ASTN2: variants seen among roughly 807,000 people sequenced by gnomAD.
ASTN2 encodes the protein astrotactin-2.
In ASTN2, 54 loss-of-function variants were observed where a neutral mutation model predicts 139.8. The observed-to-expected ratio is 0.39, with a 90% CI of 0.31 to 0.48. The LOEUF is 0.48. Among genes scored for constraint, ASTN2 ranks in the 20% least tolerant of loss-of-function variants. The pLI, the probability that ASTN2 is intolerant of heterozygous loss-of-function variation, is 0.95. For synonymous variants in ASTN2, 756 were observed against 719.5 expected (o/e 1.05, Z -0.81); for missense variants, 1,565 against 1,725.1 (o/e 0.91, Z 1.64).
At chr9:116,983,496 A>ACAC (rs1836576595) in intron 7 of ASTN2, among the ~76,000 whole-genome samples, 1 of 152,186 alleles carries the variant, frequency 6.6e-6, no homozygotes, top group Admixed American at 6.5e-5. Context: ...ATGCTTGCTT[A>ACAC]CACCACCACA....
intron 7 of ASTN2, among the ~76,000 whole-genome samples, chr9:116,981,365 G>A (rs1038655140): frequency 6.6e-5 from 10 of 152,156 alleles, no homozygotes; most frequent in African/African-American, 2.4e-4. Context: ...CTGAGGACTG[G>A]AAGAAACTTT....
At chr9:117,123,275 A>G (rs148720641) in intron 4 of ASTN2, among the ~76,000 whole-genome samples, 2,558 of 151,734 alleles carry the variant, frequency 0.017, 33 homozygotes, top group Middle Eastern at 0.041. Flanking sequence ...TGTGGGCACC[A>G]CTCCAAGCTT....
intron 16 of ASTN2, among the ~76,000 whole-genome samples, chr9:116,696,656 A>G (rs923994835): frequency 6.6e-6 from 1 of 152,138 alleles, no homozygotes; most frequent in African/African-American, 2.4e-5. Context: ...TATTTCGTTT[A>G]TAGTACCACT....
At chr9:116,610,283 C>T (rs1564151784) in intron 19 of ASTN2, among the ~76,000 whole-genome samples, 1 of 152,168 alleles carries the variant, frequency 6.6e-6, no homozygotes, top group Non-Finnish European at 1.5e-5. Flanking sequence ...CAGAAACACA[C>T]TTTTAATACA....
intron 3 of ASTN2, among the ~76,000 whole-genome samples, chr9:117,196,258 G>T (rs1464525694): frequency 6.6e-6 from 1 of 152,100 alleles, no homozygotes; most frequent in Admixed American, 6.5e-5. Context: ...TTATTGTGAG[G>T]TATAAATGAC....
At chr9:116,557,168 GA>G (rs1852666146) in intron 19 of ASTN2, among the ~76,000 whole-genome samples, 1 of 137,528 alleles carries the variant, frequency 7.3e-6, no homozygotes, top group Non-Finnish European at 1.5e-5. Flanking sequence ...AACTTGCAGT[GA>G]GCTGATATCA....
chr9:117,103,955 T>A (rs1479727379), intron 4 of ASTN2, among the ~76,000 whole-genome samples: 2 of 152,206 alleles, frequency 1.3e-5, no homozygotes, highest in African/African-American at 4.8e-5. Context: ...TGACCACAAC[T>A]GCTACCTGCC....
intron 2 of ASTN2, among the ~76,000 whole-genome samples, chr9:117,260,971 G>A (rs542296114): frequency 2.6e-4 from 39 of 152,306 alleles, no homozygotes; most frequent in African/African-American, 9.4e-4. Flanking sequence ...GTATAAGTAT[G>A]TATCTGTTTA....
At position 116,620,384 on chromosome 9, in the gene ASTN2, A is replaced by G. The variant is rs995355250; in HGVS notation, c.3132T>C (p.Asp1044=). 3.1e-6 allele frequency: 5 copies of G among 1,614,190 alleles called. No individual in the cohort carries two copies. The highest frequency in any genetic ancestry group is 2.7e-5 in the African/African-American group (2 of 75,052). ...CGCTGAGGTCACACCTGCACCAGTC[A>G]TCGATCACATCCCCTTTCCCTGAGC... ...YWCSGKGDVI[D]DWCRCDLSAF... is the part of the protein sequence containing the mutation. Residue 1044 remains aspartate (D), a synonymous_variant, in exon 18 of 23, where the codon GAT becomes GAC. Transcript: ENST00000313400.
chr9:117,329,269 T>C (rs894516363), intron 1 of ASTN2, among the ~76,000 whole-genome samples: 7 of 151,984 alleles, frequency 4.6e-5, no homozygotes, highest in Non-Finnish European at 1.0e-4. Context: ...AAGATTTTTT[T>C]TGAAAACACA....
intron 10 of ASTN2, among the ~76,000 whole-genome samples, chr9:116,922,164 T>A (rs375252463): frequency 6.6e-6 from 1 of 152,224 alleles, no homozygotes; most frequent in Non-Finnish European, 1.5e-5. Flanking sequence ...AACCCTCCTA[T>A]GCATTACTAA....
chr9:117,124,098 C>T (rs1829627199), intron 4 of ASTN2, among the ~76,000 whole-genome samples: 1 of 152,162 alleles, frequency 6.6e-6, no homozygotes. Context: ...CCCCCTTCTC[C>T]AGGTCTCAGT....
At chr9:117,003,950 G>T (rs868399966) in intron 7 of ASTN2, among the ~76,000 whole-genome samples, 1 of 143,200 alleles carries the variant, frequency 7.0e-6, no homozygotes, top group African/African-American at 2.6e-5. Flanking sequence ...ACGCGCGCGC[G>T]CGCGTGTGTG....
intron 10 of ASTN2, among the ~76,000 whole-genome samples, chr9:116,952,186 C>A (rs1835581304): frequency 6.6e-6 from 1 of 152,090 alleles, no homozygotes; most frequent in Non-Finnish European, 1.5e-5. Flanking sequence ...AGAAAATAGC[C>A]CAACCACCAC....
chr9:116,818,303 T>G (rs1297061533), intron 12 of ASTN2, among the ~76,000 whole-genome samples: 1 of 152,174 alleles, frequency 6.6e-6, no homozygotes, highest in Non-Finnish European at 1.5e-5. Flanking sequence ...ATAATGAGTT[T>G]ATTTTGTTTT....
At chr9:117,006,303 C>T (rs1372641518) in intron 7 of ASTN2, among the ~76,000 whole-genome samples, 3 of 152,126 alleles carry the variant, frequency 2.0e-5, no homozygotes, top group Non-Finnish European at 4.4e-5. Flanking sequence ...AAACAACACT[C>T]TTTATCTTCC....
At chr9:116,893,883 C>A (rs1297486451) in intron 10 of ASTN2, among the ~76,000 whole-genome samples, 2 of 152,194 alleles carry the variant, frequency 1.3e-5, no homozygotes, top group Non-Finnish European at 2.9e-5. Context: ...GCCTTTGAAG[C>A]TTTTCTGAAC....
intron 6 of ASTN2, among the ~76,000 whole-genome samples, chr9:117,039,087 G>T (rs1198502960): frequency 6.6e-6 from 1 of 152,172 alleles, no homozygotes; most frequent in Non-Finnish European, 1.5e-5. Context: ...TGGATCCACA[G>T]TCATAAATGT....
intron 6 of ASTN2, among the ~76,000 whole-genome samples, chr9:117,037,355 T>A (rs1838414987): frequency 6.6e-6 from 1 of 152,110 alleles, no homozygotes; most frequent in Admixed American, 6.6e-5. Context: ...TTCCCAGCTG[T>A]TCACCATTTC....
Sources: gnomAD v4.1 joint callset for allele counts (sites outside exome capture counted in the v4.1 genomes callset) on GRCh38, gnomAD v4.1.1 for gene constraint, MANE v1.5 for transcripts, NCBI Gene and HGNC (gene_info 2026-07-23, HGNC 2026-07-21) for gene names.